Variants in GOSR2 observed in about 807,000 individuals in gnomAD.
The protein encoded by GOSR2 is golgi SNAP receptor complex member 2.
Under a neutral mutation model 27.9 loss-of-function variants are expected in GOSR2, and 20 were observed. The ratio of observed to expected loss-of-function variants is 0.72; its 90% CI spans 0.50 to 1.04. GOSR2 has a LOEUF of 1.04. GOSR2 is among the 50% of genes least tolerant of loss of function. The pLI is 0.00. For synonymous variants in GOSR2, 91 were observed against 98.8 expected, an observed-to-expected ratio of 0.92 and a Z score of 0.47; for missense variants, 261 against 270.5, an observed-to-expected ratio of 0.97 and a Z score of 0.25.
chr17:46,931,228 T>C (rs746089403), intron 3 of GOSR2, 21 bp downstream of exon 3: 6 of 1,094,490 alleles, frequency 5.5e-6, no homozygotes, highest in African/African-American at 3.1e-5. Context: ...ACCTCTGACA[T>C]GGCTCTGATA....
At chr17:46,924,514 T>C (rs1169618558) in intron 1 of GOSR2, 4 of 152,226 alleles carry the variant, frequency 2.6e-5, no homozygotes, top group Non-Finnish European at 5.9e-5. Context: ...TGCTGTAGTT[T>C]TGTTGATTAA....
intron 4 of GOSR2, among the ~76,000 whole-genome samples, chr17:46,934,093 G>A (rs968486036): frequency 6.6e-6 from 1 of 152,210 alleles, no homozygotes; most frequent in Non-Finnish European, 1.5e-5. Context: ...CACCAGGATG[G>A]GCGTTGGTGT....
At chr17:46,962,064 G>C (rs889069912) in intron 6 of GOSR2, among the ~76,000 whole-genome samples, 4 of 152,194 alleles carry the variant, frequency 2.6e-5, no homozygotes, top group Non-Finnish European at 5.9e-5. Flanking sequence ...AGGCACAGTG[G>C]CTCATGCCTG....
chr17:46,956,375 C>A (rs1377681052), intron 6 of GOSR2, among the ~76,000 whole-genome samples: 1 of 150,536 alleles, frequency 6.6e-6, no homozygotes, highest in African/African-American at 2.5e-5. Flanking sequence ...ACTGCAACCT[C>A]CACCTCCCGG....
chr17:46,923,846 C>T (rs568190156), intron 1 of GOSR2: 1 of 398,666 alleles, frequency 2.5e-6, no homozygotes, highest in South Asian at 1.3e-4. Flanking sequence ...CCTGCACTTT[C>T]GGAATTGCTG....
chr17:46,966,698 C>G (rs1251875497), exon 7 of GOSR2: 6 of 497,932 alleles, frequency 1.2e-5, no homozygotes, highest in Non-Finnish European at 1.8e-5. Context: ...GTTCTATCAA[C>G]TATTAGCTGT....
chr17:46,946,007 A>G (rs1037571398), downstream of GOSR2, among the ~76,000 whole-genome samples: 2 of 152,028 alleles, frequency 1.3e-5, no homozygotes, highest in Non-Finnish European at 2.9e-5. Flanking sequence ...TCTTACCTCA[A>G]TCCAGGGGCC....
In GOSR2 at chr17:46,938,801, G is replaced by T. The variant is rs527870181; in HGVS notation, c.*41G>T. The T allele has an allele frequency of 6.2e-7, 1 of 1,612,594 alleles. No homozygotes were observed. Among genetic ancestry groups the T allele is most frequent in the East Asian group, 2.2e-5 (1 of 44,868 alleles). On this transcript the variant is annotated 3_prime_UTR_variant, in exon 6 of 6. Coordinates refer to ENST00000640051, the MANE Select transcript of GOSR2 (RefSeq NM_004287.5). Reference sequence around the variant, plus strand: ...TGGCTGAACAGCATTCCCACAGCCTGCAAGTGTGTGTGTGTGTGAAAGAGA... The same window carrying T: ...TGGCTGAACAGCATTCCCACAGCCTTCAAGTGTGTGTGTGTGTGAAAGAGA...
rs2089238852 is a variant in GOSR2, at chr17:46,941,250, G to A, written c.*2490G>A. ...TTTTTAGACTTCACTGCGGAGTTCTGTACACCCTTTGCCCTGATGAATTTG... is the reference window on the plus strand; with the variant it reads ...TTTTTAGACTTCACTGCGGAGTTCTATACACCCTTTGCCCTGATGAATTTG... On this transcript the variant is annotated 3_prime_UTR_variant, in exon 6 of 6. Transcript: ENST00000640051. The A allele has an allele frequency of 5.0e-6, 5 of 991,852 alleles. No homozygotes were observed. Among genetic ancestry groups the A allele is most frequent in the South Asian group, 4.5e-5 (1 of 21,980 alleles). The allele number at this position is 991,852 out of a possible 1,614,324, so 61.4% of individuals were successfully genotyped here.
chr17:46,941,414 C>CT lies in GOSR2; in HGVS notation c.*2661dup, dbSNP rs1256134270. On this transcript the variant is annotated 3_prime_UTR_variant, in exon 6 of 6. Transcript: ENST00000640051. ...ATTCATTTTTATAACTAATGGCCCC[C>CT]TTTTTTTATGTTTCTAGGCCAGAGA... The CT allele has an allele frequency of 9.1e-6, 9 of 983,624 alleles. No homozygotes were observed. The highest frequency in any genetic ancestry group is 1.1e-4 in the East Asian group (1 of 8,824). 60.9% of individuals were successfully genotyped at this position (983,624 alleles called of 1,614,324 possible). A position where few individuals can be genotyped will look rare whatever the true frequency, so the allele number is the denominator to read the frequency against.
At chr17:46,968,185 G>A (rs528733173), downstream of GOSR2, among the ~76,000 whole-genome samples, 1 of 152,264 alleles carries the variant, frequency 6.6e-6, no homozygotes, top group East Asian at 1.9e-4. Context: ...CAGGCACTCA[G>A]TGAATACCTC....
downstream of GOSR2, among the ~76,000 whole-genome samples, chr17:46,975,818 T>C (rs1007492848): frequency 6.6e-6 from 1 of 152,140 alleles, no homozygotes; most frequent in Non-Finnish European, 1.5e-5. Context: ...CCACTAAGGC[T>C]TTCCTTTTCA....
intron 6 of GOSR2, chr17:46,952,533 A>C (rs1399009850): frequency 1.3e-5 from 2 of 152,200 alleles, no homozygotes; most frequent in Non-Finnish European, 2.9e-5. Flanking sequence ...AATTCTGGTC[A>C]ATAAGATATG....
chr17:46,972,387 T>C (rs2091402211), intron 6 of GOSR2, among the ~76,000 whole-genome samples: 1 of 152,232 alleles, frequency 6.6e-6, no homozygotes, highest in Admixed American at 6.5e-5. Flanking sequence ...CAAGGAGCTC[T>C]GGCTCTTGGC....
In GOSR2 at chr17:46,938,841, G is replaced by A; in HGVS notation, c.*81G>A. 1 of 1,604,608 alleles carries A rather than the reference G, an allele frequency of 6.2e-7. No homozygotes were observed. The highest frequency in any genetic ancestry group is 8.5e-7 in the Non-Finnish European group (1 of 1,177,504). ...TGTGAAAGAGAGAGGGGGGCCCAGA[G>A]GCCGCCTTTTGAAATGTTTGCCTGT... On this transcript the variant is annotated 3_prime_UTR_variant, in exon 6 of 6. Transcript: ENST00000640051.
At chr17:46,938,167 T>C (rs1332941915) in intron 5 of GOSR2, among the ~76,000 whole-genome samples, 1 of 152,170 alleles carries the variant, frequency 6.6e-6, no homozygotes, top group Non-Finnish European at 1.5e-5. Context: ...CTGGCCTGTT[T>C]GCAGTTTTTA....
At chr17:46,931,797 CT>C in intron 3 of GOSR2, 1 of 528,698 alleles carries the variant, frequency 1.9e-6, no homozygotes, top group Non-Finnish European at 3.4e-6. Context: ...TTCCTGTCCC[CT>C]GTTCTCTGTC....
chr17:46,937,838 G>A (rs2088652121), intron 5 of GOSR2: 1 of 152,434 alleles, frequency 6.6e-6, no homozygotes, highest in Non-Finnish European at 1.5e-5. Flanking sequence ...TTCATCTTGT[G>A]ATTAGTGACA....
rs534035303 is a variant in GOSR2 at position 46,951,610 on chromosome 17, A to C, written c.583+12906A>C. 3.9e-5 allele frequency among the ~76,000 whole-genome samples: 6 copies of C among 152,140 alleles called. No individual in the cohort carries two copies. In the South Asian group the frequency reaches 1.2e-3, roughly 32 times the overall value. On this transcript the variant is annotated intron_variant, in intron 6 of 6. Coordinates refer to the GOSR2 transcript ENST00000573224. ...TTTCTTTTGCCCCCATGTTGAGGCCACCCTACTCCATTCTTCCGGAACTTA... is the reference window on the plus strand; with the variant it reads ...TTTCTTTTGCCCCCATGTTGAGGCCCCCCTACTCCATTCTTCCGGAACTTA...
Sources: gnomAD v4.1 joint callset for allele counts (sites outside exome capture counted in the v4.1 genomes callset) on GRCh38, gnomAD v4.1.1 for gene constraint, MANE v1.5 for transcripts, NCBI Gene and HGNC (gene_info 2026-07-23, HGNC 2026-07-21) for gene names.